ZNF131: variants seen among roughly 807,000 people sequenced by gnomAD.
ZNF131 encodes zinc finger protein 131.
A neutral mutation model predicts 60.0 loss-of-function variants in ZNF131; 7 were observed. That is an observed-to-expected ratio of 0.12 (90% CI 0.07 to 0.22). ZNF131 has a LOEUF of 0.22. ZNF131 is among the 10% of genes least tolerant of loss of function. The pLI is 1.00. For missense variants in ZNF131, 493 were observed against 740.9 expected (o/e 0.67, Z 3.88); for synonymous variants, 257 against 253.2 (o/e 1.01, Z -0.14).
intron 5 of ZNF131, among the ~76,000 whole-genome samples, chr5:43,165,068 A>T (rs34454821): frequency 3.9e-5 from 6 of 152,094 alleles, no homozygotes; most frequent in Non-Finnish European, 7.4e-5. Flanking sequence ...CTTCTACCTC[A>T]GCTTCCTGAG....
intron 4 of ZNF131, among the ~76,000 whole-genome samples, chr5:43,141,994 A>C (rs879873129): frequency 6.6e-6 from 1 of 151,972 alleles, no homozygotes. Flanking sequence ...TCCCCCATGC[A>C]TGAGCCTTAT....
intron 4 of ZNF131, among the ~76,000 whole-genome samples, chr5:43,159,442 C>T (rs1305465340): frequency 6.6e-6 from 1 of 151,992 alleles, no homozygotes. Flanking sequence ...ACCGGTAATT[C>T]CAGCACTTTG....
intron 4 of ZNF131, among the ~76,000 whole-genome samples, chr5:43,153,347 A>G (rs983086507): frequency 6.6e-6 from 1 of 151,222 alleles, no homozygotes; most frequent in Non-Finnish European, 1.5e-5. Context: ...AGGGCGGGCC[A>G]GGCGCGGTGG....
At chr5:43,173,767 A>G (rs35285338) in intron 6 of ZNF131, among the ~76,000 whole-genome samples, 14,685 of 152,046 alleles carry the variant, frequency 0.097, 833 homozygotes, top group East Asian at 0.19. Flanking sequence ...TGATTAGTGT[A>G]TTTTTATATC....
intron 4 of ZNF131, among the ~76,000 whole-genome samples, chr5:43,146,383 G>C (rs1473975905): frequency 6.6e-6 from 1 of 152,046 alleles, no homozygotes; most frequent in African/African-American, 2.4e-5. Context: ...TCAGGAGATC[G>C]AGACCATCCT....
At chr5:43,165,548 G>T (rs1279548436) in intron 5 of ZNF131, among the ~76,000 whole-genome samples, 1 of 152,168 alleles carries the variant, frequency 6.6e-6, no homozygotes, top group East Asian at 1.9e-4. Context: ...ATTTTGAAAG[G>T]AGTCTTCTGA....
chr5:43,152,144 A>G (rs1370712765), intron 4 of ZNF131, among the ~76,000 whole-genome samples: 1 of 152,114 alleles, frequency 6.6e-6, no homozygotes, highest in Non-Finnish European at 1.5e-5. Flanking sequence ...CTGGGACTAC[A>G]GGCACGTGCC....
At position 43,161,281 on chromosome 5, in the gene ZNF131, A is replaced by T; in HGVS notation, c.404A>T (p.Asn135Ile). ...NKENSAPLEE[N>I]TTGKNEAKKR... ...GAAAACTCAGCTCCCTTAGAGGAAA[A>T]TACCACAGGAAAAAATGAGGCCAAA... The change falls in exon 5 of 7, where the codon AAT (asparagine) becomes ATT (isoleucine). Residue 135 changes from asparagine (N) to isoleucine (I), a missense_variant. Around this residue, in one of 7 missense-constraint regions of ZNF131, gnomAD observed 138 missense variants for 158.7 expected, o/e 0.87. Transcript: ENST00000682664. 6.2e-7 allele frequency: 1 copy of T among 1,612,484 alleles called. No homozygotes were observed. Among genetic ancestry groups the T allele is most frequent in the South Asian group, 1.1e-5 (1 of 90,490 alleles).
chr5:43,156,229 T>C (rs763547806), intron 4 of ZNF131, among the ~76,000 whole-genome samples: 13 of 152,124 alleles, frequency 8.5e-5, no homozygotes, highest in Non-Finnish European at 1.6e-4. Context: ...ACCCCATCAG[T>C]TAAAAAATGC....
chr5:43,149,047 A>G (rs547607453), intron 4 of ZNF131, among the ~76,000 whole-genome samples: 168 of 152,334 alleles, frequency 1.1e-3, no homozygotes, highest in Middle Eastern at 3.4e-3. Flanking sequence ...TGGCAGGCCG[A>G]GGCGAGCAAA....
intron 3 of ZNF131, chr5:43,124,284 A>G (rs1744232919): frequency 6.6e-6 from 1 of 152,198 alleles, no homozygotes; most frequent in South Asian, 2.1e-4. Flanking sequence ...ATCAAAATCT[A>G]AAACAGCAGG....
At chr5:43,136,445 C>G (rs1746095296) in intron 3 of ZNF131, among the ~76,000 whole-genome samples, 1 of 126,508 alleles carries the variant, frequency 7.9e-6, no homozygotes, top group Admixed American at 8.5e-5. Context: ...CCAAATCAAT[C>G]TTGAAAAAGA....
chr5:43,130,242 CGA>C (rs1434351483), intron 3 of ZNF131, among the ~76,000 whole-genome samples: 2 of 89,220 alleles, frequency 2.2e-5, no homozygotes, highest in Non-Finnish European at 4.5e-5. Flanking sequence ...CCAGCCTGAG[CGA>C]TAGAGTAAGA....
chr5:43,122,511 A>G (rs1363654849), intron 2 of ZNF131, among the ~76,000 whole-genome samples: 1 of 152,142 alleles, frequency 6.6e-6, no homozygotes, highest in Non-Finnish European at 1.5e-5. Flanking sequence ...GTAAGCTTTG[A>G]GAAGTCCCTT....
At chr5:43,126,501 T>C (rs1744567463) in intron 3 of ZNF131, among the ~76,000 whole-genome samples, 1 of 152,174 alleles carries the variant, frequency 6.6e-6, no homozygotes, top group African/African-American at 2.4e-5. Context: ...TATACACAAA[T>C]TTAGAGGACG....
chr5:43,153,633 C>T (rs1579834739), intron 4 of ZNF131, among the ~76,000 whole-genome samples: 6 of 152,176 alleles, frequency 3.9e-5, no homozygotes, highest in African/African-American at 1.4e-4. Flanking sequence ...AAGAGCGAAA[C>T]TCCATCTCAA....
rs751327669 is a variant in ZNF131, at chr5:43,161,278, A to G, written c.401A>G (p.Glu134Gly). The G allele has an allele frequency of 1.9e-6, 3 of 1,611,946 alleles. No homozygotes were observed. The East Asian group carries it at 6.7e-5, about 36-fold the overall frequency. Residue 134 changes from glutamate to glycine, a missense_variant, in exon 5 of 7, where the codon GAA (glutamate) becomes GGA (glycine). Around this residue, in one of 7 missense-constraint regions of ZNF131, gnomAD observed 138 missense variants for 158.7 expected, o/e 0.87. Coordinates refer to ENST00000682664, the MANE Select transcript of ZNF131 (RefSeq NM_001330707.2). ...AAAGAAAACTCAGCTCCCTTAGAGG[A>G]AAATACCACAGGAAAAAATGAGGCC... ...RNKENSAPLEENTTGKNEAKK... is the reference protein window; with the variant it reads ...RNKENSAPLEGNTTGKNEAKK...
intron 5 of ZNF131, among the ~76,000 whole-genome samples, chr5:43,172,641 T>A (rs1751144350): frequency 6.6e-6 from 1 of 151,894 alleles, no homozygotes; most frequent in Non-Finnish European, 1.5e-5. Context: ...AACCCTAATT[T>A]ATATATAAAT....
chr5:43,175,744 A>G lies in ZNF131; in HGVS notation c.*611A>G, dbSNP rs1475024544. On this transcript the variant is annotated 3_prime_UTR_variant, in exon 7 of 7. Coordinates refer to ENST00000682664, the MANE Select transcript of ZNF131 (RefSeq NM_001330707.2). ...TAAAAAAAAAAAAAAATCCACACCCATGTGCCTTCTCAAAACCAACTGAAC... is the reference window on the plus strand; with the variant it reads ...TAAAAAAAAAAAAAAATCCACACCCGTGTGCCTTCTCAAAACCAACTGAAC... 1 of 300,014 alleles carries G rather than the reference A, an allele frequency of 3.3e-6. No homozygotes were observed. Among genetic ancestry groups the G allele is most frequent in the Non-Finnish European group, 6.2e-6 (1 of 161,926 alleles). The allele number at this position is 300,014 out of a possible 1,614,324, so 18.6% of individuals were successfully genotyped here. A position where few individuals can be genotyped will look rare whatever the true frequency, so the allele number is the denominator to read the frequency against.
Sources: gnomAD v4.1 joint callset for allele counts (sites outside exome capture counted in the v4.1 genomes callset) on GRCh38, gnomAD v4.1.1 for gene constraint, gnomAD v4.1.1 regional missense constraint, MANE v1.5 for transcripts, NCBI Gene and HGNC (gene_info 2026-07-23, HGNC 2026-07-21) for gene names.